ARHGEF12: variants seen among roughly 807,000 people sequenced by gnomAD.
The protein encoded by ARHGEF12 is Rho guanine nucleotide exchange factor 12.
Under a neutral mutation model 211.2 loss-of-function variants are expected in ARHGEF12, and 66 were observed. The observed-to-expected ratio is 0.31, with a 90% CI of 0.26 to 0.38. The LOEUF is 0.38. Ranked by LOEUF, ARHGEF12 falls within the 10% of genes least tolerant of loss-of-function variation. The pLI is 1.00. For synonymous variants in ARHGEF12, 592 were observed against 638.4 expected (o/e 0.93, Z 1.09); for missense variants, 1,429 against 1,869.5 (o/e 0.76, Z 4.34).
intron 23 of ARHGEF12, 73 bp downstream of exon 23, chr11:120,457,323 T>C: frequency 6.5e-7 from 1 of 1,540,278 alleles, no homozygotes; most frequent in Non-Finnish European, 8.8e-7. Flanking sequence ...TTCCTATACT[T>C]AGTAGCATTC....
At chr11:120,377,593 G>A (rs543776083) in intron 1 of ARHGEF12, among the ~76,000 whole-genome samples, 3 of 152,164 alleles carry the variant, frequency 2.0e-5, no homozygotes, top group African/African-American at 7.2e-5. Flanking sequence ...CCTGACCCCT[G>A]CGAAGTGCTG....
At chr11:120,396,045 G>A (rs1344232389) in intron 1 of ARHGEF12, among the ~76,000 whole-genome samples, 1 of 152,016 alleles carries the variant, frequency 6.6e-6, no homozygotes, top group African/African-American at 2.4e-5. Flanking sequence ...TGACTCTAAG[G>A]CTGCAATAGG....
In ARHGEF12 at chr11:120,480,332, A is replaced by G; in HGVS notation, c.4139A>G (p.His1380Arg). ...GGGGGTCTTGATGACAGTGGAGAGC[A>G]CTTTTTTGATGCCCGTGAAGCACAT... is the stretch of plus-strand genomic sequence containing the variant. ...PEGGLDDSGEHFFDAREAHSD... is the reference protein window; with the variant it reads ...PEGGLDDSGERFFDAREAHSD... Residue 1380 changes from histidine to arginine, a missense_variant, in exon 38 of 41, where the codon CAC (histidine) becomes CGC (arginine). Physicochemically the swap from His to Arg is conservative, Grantham distance 29. This residue lies in a region of ARHGEF12 where 467 missense variants were observed against 468.4 expected (regional missense o/e 1.00). Transcript: ENST00000397843. 1 of 1,614,212 alleles carries G rather than the reference A, an allele frequency of 6.2e-7. No homozygotes were observed. Among genetic ancestry groups the G allele is most frequent in the South Asian group, 1.1e-5 (1 of 91,072 alleles).
At chr11:120,407,447 G>C (rs1377489437) in intron 2 of ARHGEF12, among the ~76,000 whole-genome samples, 2 of 152,136 alleles carry the variant, frequency 1.3e-5, no homozygotes. Flanking sequence ...GGAAATGATA[G>C]TATTGACCTG....
At chr11:120,338,257 A>C (rs890447924) in intron 1 of ARHGEF12, among the ~76,000 whole-genome samples, 1 of 152,248 alleles carries the variant, frequency 6.6e-6, no homozygotes, top group Non-Finnish European at 1.5e-5. Flanking sequence ...CAAGTAACTG[A>C]ATTAGAGGGC....
chr11:120,478,494 T>C, intron 37 of ARHGEF12, 105 bp downstream of exon 37: 1 of 1,083,306 alleles, frequency 9.2e-7, no homozygotes, highest in Non-Finnish European at 1.3e-6. Context: ...CTTCTAGTTC[T>C]ATTGTGGAGA....
At position 120,383,779 on chromosome 11, in the gene ARHGEF12, C is replaced by T. The variant is rs372111894; in HGVS notation, c.33-22339C>T. Among the ~76,000 whole-genome samples, 647 of 152,062 alleles carry T rather than the reference C, an allele frequency of 4.3e-3. 50 individuals carry two copies. The South Asian group carries it at 0.13, about 30-fold the overall frequency. ...GATCATGGACCAGTATTGTCTGTGGCCCAGGAGTTGGAGACCCCTGTCCTA... is the reference window on the plus strand; with the variant it reads ...GATCATGGACCAGTATTGTCTGTGGTCCAGGAGTTGGAGACCCCTGTCCTA... On this transcript the variant is annotated intron_variant, in intron 1 of 40. Coordinates refer to ENST00000397843, the MANE Select transcript of ARHGEF12 (RefSeq NM_015313.3).
chr11:120,344,095 G>C (rs1178621448), intron 1 of ARHGEF12, among the ~76,000 whole-genome samples: 1 of 151,704 alleles, frequency 6.6e-6, no homozygotes, highest in Non-Finnish European at 1.5e-5. Flanking sequence ...GTGAAACCCT[G>C]TCTCTATTAA....
At chr11:120,375,262 G>A (rs1276306048) in intron 1 of ARHGEF12, among the ~76,000 whole-genome samples, 3 of 152,120 alleles carry the variant, frequency 2.0e-5, no homozygotes, top group Non-Finnish European at 4.4e-5. Flanking sequence ...ACCAAAGAGT[G>A]AATTGTTGGT....
chr11:120,338,805 A>G (rs1430426115), intron 1 of ARHGEF12, among the ~76,000 whole-genome samples: 1 of 152,232 alleles, frequency 6.6e-6, no homozygotes, highest in African/African-American at 2.4e-5. Context: ...TTATGGAAAC[A>G]GAACGGACTC....
Position 120,394,755 on chromosome 11 carries a change from A to T in ARHGEF12, c.33-11363A>T, listed in dbSNP as rs992998421. ...GGTGACATCATTACAGATTCTTCAG[A>T]TATTAAAAAAAAATAGGGGAGGCTG... On this transcript the variant is annotated intron_variant, in intron 1 of 40. Transcript: ENST00000397843. Among the ~76,000 whole-genome samples, 15 of 152,014 alleles carry T rather than the reference A, an allele frequency of 9.9e-5. No individual in the cohort carries two copies. The South Asian group carries it at 1.5e-3, about 15-fold the overall frequency.
Position 120,481,248 on chromosome 11 carries a change from C to G in ARHGEF12, c.4238-12C>G. ...CACTGGTCTTATCAAACTATTCTGT[C>G]TCTATCCATAGGAAACTATTTGATC... On this transcript the variant is annotated splice_polypyrimidine_tract_variant and intron_variant, in intron 38 of 40. Coordinates refer to ENST00000397843, the MANE Select transcript of ARHGEF12 (RefSeq NM_015313.3). 1 of 1,611,722 alleles carries G rather than the reference C, an allele frequency of 6.2e-7. No individual in the cohort carries two copies. The highest frequency in any genetic ancestry group is 8.5e-7 in the Non-Finnish European group (1 of 1,177,952).
chr11:120,338,178 G>C (rs910695698), intron 1 of ARHGEF12, among the ~76,000 whole-genome samples: 2 of 152,204 alleles, frequency 1.3e-5, no homozygotes, highest in Admixed American at 6.5e-5. Flanking sequence ...CTGCATGCTA[G>C]TCCCAAATTT....
intron 37 of ARHGEF12, among the ~76,000 whole-genome samples, chr11:120,478,679 C>T (rs1947137526): frequency 6.6e-6 from 1 of 152,130 alleles, no homozygotes; most frequent in African/African-American, 2.4e-5. Context: ...TGGGGAGAAC[C>T]ACTTGAAATT....
rs1426841382 is a variant in ARHGEF12 at position 120,457,853 on chromosome 11, A to G, written c.2225+97A>G. The G allele has an allele frequency of 9.7e-6, 13 of 1,339,290 alleles. 1 individual carries two copies. Among genetic ancestry groups the G allele is most frequent in the Middle Eastern group, 2.1e-4 (1 of 4,662 alleles). 83.0% of individuals were successfully genotyped at this position (1,339,290 alleles called of 1,614,324 possible). A position where few individuals can be genotyped will look rare whatever the true frequency, so the allele number is the denominator to read the frequency against. On this transcript the variant is annotated intron_variant, in intron 24 of 40. Coordinates refer to ENST00000397843, the MANE Select transcript of ARHGEF12 (RefSeq NM_015313.3). Reference sequence around the variant, plus strand: ...CATTTTAAAGGAAAAGAAACCCTGTATACCAATCTGTTATGTAGTATAAAA... The same window carrying G: ...CATTTTAAAGGAAAAGAAACCCTGTGTACCAATCTGTTATGTAGTATAAAA...
intron 1 of ARHGEF12, among the ~76,000 whole-genome samples, chr11:120,388,852 T>C (rs565351596): frequency 2.9e-4 from 44 of 152,228 alleles, no homozygotes; most frequent in African/African-American, 1.0e-3. Flanking sequence ...ATAAGTGCTT[T>C]TATTTTTTTT....
At chr11:120,446,198 AAATAATAATAATAAT>A (rs59459827) in intron 16 of ARHGEF12, among the ~76,000 whole-genome samples, 190 bp from the exon 17 acceptor site, 61 of 140,366 alleles carry the variant, frequency 4.3e-4, no homozygotes, top group South Asian at 3.3e-3. Context: ...ACTCCATCTC[AAATAATAATAATAAT>A]AATAATAATA....
At position 120,477,525 on chromosome 11, in the gene ARHGEF12, A is replaced by G; in HGVS notation, c.3531A>G (p.Pro1177=). The G allele has an allele frequency of 6.2e-7, 1 of 1,611,784 alleles. No homozygotes were observed. The highest frequency in any genetic ancestry group is 8.5e-7 in the Non-Finnish European group (1 of 1,179,522). The change falls in exon 36 of 41, where the codon CCA becomes CCG. Residue 1177 remains proline (P), a splice_region_variant and synonymous_variant. Coordinates refer to ENST00000397843, the MANE Select transcript of ARHGEF12 (RefSeq NM_015313.3). ...TTTCAGTCACTGGTTTGCAGAGTCC[A>G]GGTACACTCTTCTGAAGAGTTCAAT... ...HGISVTGLQS[P]DRDLGLESTL...
In ARHGEF12 at chr11:120,469,968, AAT is replaced by A. The variant is rs572137743; in HGVS notation, c.2955+586_2955+587del. Reference sequence around the variant, plus strand: ...AGGGTGCAACCCTAGAGGTAGAGGCAATATATACCAAAGTCCTGACGGAAAAA... The same window carrying A: ...AGGGTGCAACCCTAGAGGTAGAGGCAATATACCAAAGTCCTGACGGAAAAA... On this transcript the variant is annotated intron_variant, in intron 30 of 40. Transcript: ENST00000397843. Among the ~76,000 whole-genome samples the A allele has an allele frequency of 5.3e-5, 8 of 152,330 alleles. 1 individual carries two copies. The South Asian group carries it at 1.7e-3, about 32-fold the overall frequency.
Sources: gnomAD v4.1 joint callset for allele counts (sites outside exome capture counted in the v4.1 genomes callset) on GRCh38, gnomAD v4.1.1 for gene constraint, gnomAD v4.1.1 regional missense constraint, MANE v1.5 for transcripts, NCBI Gene and HGNC (gene_info 2026-07-23, HGNC 2026-07-21) for gene names.